Variants in TRPM7 observed in about 807,000 individuals in gnomAD.
The protein encoded by TRPM7 is transient receptor potential cation channel subfamily M member 7.
Under a neutral mutation model 229.7 loss-of-function variants are expected in TRPM7, and 134 were observed. The ratio of observed to expected loss-of-function variants is 0.58; its 90% CI spans 0.51 to 0.67. The LOEUF is 0.67. Among genes scored for constraint, TRPM7 ranks in the 30% least tolerant of loss-of-function variants. The pLI, the probability that TRPM7 is intolerant of heterozygous loss-of-function variation, is 0.00. For synonymous variants in TRPM7, 699 were observed against 715.2 expected (o/e 0.98, Z 0.36); for missense variants, 1,901 against 2,210.0 (o/e 0.86, Z 2.80).
intron 26 of TRPM7, among the ~76,000 whole-genome samples, chr15:50,591,294 C>T (rs2059486207): frequency 6.6e-6 from 1 of 152,026 alleles, no homozygotes; most frequent in Non-Finnish European, 1.5e-5. Flanking sequence ...GGGCACTGTT[C>T]TTTTCCAGTT....
chr15:50,636,443 G>A lies in TRPM7; in HGVS notation c.832+979C>T, dbSNP rs138313236. Reference sequence around the variant, plus strand: ...TGACCTCAGGTGATCCACCCACCTCGGCCTCCCAAAGTGCTGCGATTATAG... The same window carrying A: ...TGACCTCAGGTGATCCACCCACCTCAGCCTCCCAAAGTGCTGCGATTATAG... On this transcript the variant is annotated intron_variant, in intron 7 of 38. Coordinates refer to ENST00000646667, the MANE Select transcript of TRPM7 (RefSeq NM_017672.6). Among the ~76,000 whole-genome samples the A allele has an allele frequency of 7.4e-3, 1,123 of 152,148 alleles. 15 individuals carry two copies. The highest frequency in any genetic ancestry group is 0.026 in the African/African-American group (1,060 of 41,514).
intron 2 of TRPM7, among the ~76,000 whole-genome samples, chr15:50,659,857 G>A (rs1017122795): frequency 1.3e-4 from 20 of 151,990 alleles, no homozygotes; most frequent in Non-Finnish European, 2.1e-4. Context: ...TAGTAGAGAC[G>A]CGGTTTCACC....
intron 2 of TRPM7, 86 bp downstream of exon 2, chr15:50,662,881 G>T: frequency 1.1e-6 from 1 of 917,292 alleles, no homozygotes; most frequent in Non-Finnish European, 1.7e-6. Flanking sequence ...AATTTATTTA[G>T]TGGTTTTTGT....
chr15:50,589,340 A>AAG (rs1555406351), intron 27 of TRPM7, among the ~76,000 whole-genome samples: 6 of 151,448 alleles, frequency 4.0e-5, no homozygotes, highest in East Asian at 1.9e-4. Flanking sequence ...AAAAAAAAAA[A>AAG]AGAGAGAAAT....
intron 36 of TRPM7, 108 bp from the exon 37 acceptor site, chr15:50,570,263 A>G (rs79561148): frequency 6.5e-6 from 5 of 773,310 alleles, no homozygotes; most frequent in Non-Finnish European, 1.0e-5. Flanking sequence ...AGTATCATCA[A>G]TCATTACAAT....
chr15:50,661,904 T>C (rs2061733925), intron 2 of TRPM7, among the ~76,000 whole-genome samples: 1 of 152,220 alleles, frequency 6.6e-6, no homozygotes, highest in African/African-American at 2.4e-5. Context: ...TAAGTTTTTT[T>C]CTATCTTTAG....
chr15:50,571,845 C>G (rs1358177660), intron 36 of TRPM7, among the ~76,000 whole-genome samples: 3 of 152,282 alleles, frequency 2.0e-5, no homozygotes, highest in Middle Eastern at 3.4e-3. Flanking sequence ...GTTCAAATCA[C>G]AAGGGATTTA....
Position 50,686,657 on chromosome 15 carries a change from A to G in TRPM7, c.-124T>C. On this transcript the variant is annotated 5_prime_UTR_variant, in exon 1 of 39. Transcript: ENST00000646667. Reference sequence around the variant, plus strand: ...AGAGGCCGCCGGACAAGGAACGCCCAGGGAAACCTTCTCAGAACTAACTCA... The same window carrying G: ...AGAGGCCGCCGGACAAGGAACGCCCGGGGAAACCTTCTCAGAACTAACTCA... The G allele has an allele frequency of 7.2e-7, 1 of 1,381,648 alleles. No individual in the cohort carries two copies. The highest frequency in any genetic ancestry group is 2.5e-5 in the East Asian group (1 of 40,220). The allele number at this position is 1,381,648 out of a possible 1,614,324, so 85.6% of individuals were successfully genotyped here.
rs2053178033 is a variant in TRPM7 at position 50,557,431 on chromosome 15, T to G, written c.*4247A>C. 6.6e-6 allele frequency: 1 copy of G among 152,164 alleles called. No homozygotes were observed. Among genetic ancestry groups the G allele is most frequent in the African/African-American group, 2.4e-5 (1 of 41,456 alleles). 9.4% of individuals were successfully genotyped at this position (152,164 alleles called of 1,614,324 possible). A position where few individuals can be genotyped will look rare whatever the true frequency, so the allele number is the denominator to read the frequency against. ...GGGGTAGACTGCTAGCTACTAACTA[T>G]GAAAACAACATAGTCTGACTTGAGA... On this transcript the variant is annotated 3_prime_UTR_variant, in exon 39 of 39. Transcript: ENST00000646667.
At chr15:50,624,962 CTTGACAGCAA>C (rs2060514085) in intron 11 of TRPM7, among the ~76,000 whole-genome samples, 1 of 152,156 alleles carries the variant, frequency 6.6e-6, no homozygotes, top group Non-Finnish European at 1.5e-5. Context: ...AAAGAAATCA[CTTGACAGCAA>C]TACAACTTAT....
intron 1 of TRPM7, among the ~76,000 whole-genome samples, chr15:50,684,527 G>A (rs931957704): frequency 6.6e-6 from 1 of 151,996 alleles, no homozygotes; most frequent in African/African-American, 2.4e-5. Flanking sequence ...TGGAGTCCCA[G>A]CTACTCGGGA....
chr15:50,684,670 G>A (rs2062319634), intron 1 of TRPM7, among the ~76,000 whole-genome samples: 1 of 151,922 alleles, frequency 6.6e-6, no homozygotes, highest in Non-Finnish European at 1.5e-5. Context: ...AAAAAATACA[G>A]AGGAGAAAGA....
At chr15:50,635,665 A>C (rs1354495499) in intron 7 of TRPM7, among the ~76,000 whole-genome samples, 5 of 48,860 alleles carry the variant, frequency 1.0e-4, no homozygotes, top group Middle Eastern at 0.011. Context: ...TCCATCTCCC[A>C]AAAAAAAAAA....
intron 19 of TRPM7, among the ~76,000 whole-genome samples, chr15:50,607,775 G>A (rs11637228): frequency 6.6e-6 from 1 of 151,468 alleles, no homozygotes. Context: ...GGCACGCCGC[G>A]GTGGCTCACG....
intron 36 of TRPM7, 53 bp downstream of exon 36, chr15:50,574,221 T>C: frequency 1.5e-6 from 2 of 1,337,596 alleles, no homozygotes; most frequent in South Asian, 2.4e-5. Context: ...AACATATGAA[T>C]AGGTGAGAAC....
intron 29 of TRPM7, among the ~76,000 whole-genome samples, chr15:50,582,126 T>C (rs777866762): frequency 5.9e-5 from 9 of 152,110 alleles, no homozygotes; most frequent in Non-Finnish European, 1.0e-4. Flanking sequence ...CACACCCAGA[T>C]AAGTTTTGAT....
At chr15:50,643,175 G>C (rs1042617776) in intron 5 of TRPM7, among the ~76,000 whole-genome samples, 165 bp downstream of exon 5, 1 of 152,152 alleles carries the variant, frequency 6.6e-6, no homozygotes, top group African/African-American at 2.4e-5. Flanking sequence ...TGTAATCCCA[G>C]CTACTCTGGA....
At chr15:50,599,901 C>A (rs1389330482) in intron 21 of TRPM7, among the ~76,000 whole-genome samples, 1 of 152,084 alleles carries the variant, frequency 6.6e-6, no homozygotes, top group African/African-American at 2.4e-5. Flanking sequence ...TTTTGTAAGT[C>A]ATGTAGTTTG....
intron 7 of TRPM7, among the ~76,000 whole-genome samples, chr15:50,636,730 C>G (rs2060918574): frequency 1.3e-5 from 2 of 152,152 alleles, no homozygotes; most frequent in Admixed American, 1.3e-4. Context: ...AACAGTGATA[C>G]TCATTTCATA....
Sources: gnomAD v4.1 joint callset for allele counts (sites outside exome capture counted in the v4.1 genomes callset) on GRCh38, gnomAD v4.1.1 for gene constraint, MANE v1.5 for transcripts, NCBI Gene and HGNC (gene_info 2026-07-23, HGNC 2026-07-21) for gene names.